Variants in BROX observed in about 807,000 individuals in gnomAD.
BROX encodes BRO1 domain and CAAX motif containing.
BROX carries 53 observed loss-of-function variants against 61.0 expected under a neutral mutation model. That is an observed-to-expected ratio of 0.87 (90% CI 0.70 to 1.09). The LOEUF (loss-of-function observed/expected upper bound fraction) is 1.09. BROX is among the 50% of genes least tolerant of loss of function. BROX has a pLI of 0.00. For missense variants in BROX, 489 were observed against 472.0 expected (o/e 1.04, Z -0.33); for synonymous variants, 152 against 160.2 (o/e 0.95, Z 0.38).
intron 2 of BROX, among the ~76,000 whole-genome samples, chr1:222,716,487 T>C (rs1175790163): frequency 6.6e-6 from 1 of 152,250 alleles, no homozygotes; most frequent in Non-Finnish European, 1.5e-5. Flanking sequence ...GCCTTCAAAG[T>C]GTTCACACAG....
chr1:222,724,513 C>T (rs972643592), intron 6 of BROX, among the ~76,000 whole-genome samples: 6 of 152,180 alleles, frequency 3.9e-5, no homozygotes, highest in African/African-American at 1.4e-4. Flanking sequence ...AGGAGCAGTC[C>T]TGATTCTGCA....
rs533810875 is a variant in BROX at position 222,722,501 on chromosome 1, G to A, written c.388G>A (p.Ala130Thr). 6.2e-7 allele frequency: 1 copy of A among 1,609,584 alleles called. No individual in the cohort carries two copies. The highest frequency in any genetic ancestry group is 1.1e-5 in the South Asian group (1 of 90,918). Reference sequence around the variant, plus strand: ...GTATACCAAATATGCTTCAAGACTGGCTGGAAAAGAAAAGTAAGTTAATAG... The same window carrying A: ...GTATACCAAATATGCTTCAAGACTGACTGGAAAAGAAAAGTAAGTTAATAG... The part of the protein sequence containing the change: ...LWYTKYASRL[A>T]GKENITEDEA... The change falls in exon 5 of 13, where the codon GCT (alanine) becomes ACT (threonine). Residue 130 changes from alanine (A) to threonine (T), a missense_variant. By Grantham distance (58) the Ala-to-Thr change is moderately conservative. Coordinates refer to ENST00000340934, the MANE Select transcript of BROX (RefSeq NM_144695.4).
rs1424972656 is a variant in BROX, at chr1:222,712,568, C to G, written c.-391C>G. Reference sequence around the variant, plus strand: ...GGGTTAGGTTGAGGCCGCCCCACTGCGCCGAGGGCCGCCATCGCTATTGCG... The same window carrying G: ...GGGTTAGGTTGAGGCCGCCCCACTGGGCCGAGGGCCGCCATCGCTATTGCG... On this transcript the variant is annotated 5_prime_UTR_variant, in exon 1 of 13. Coordinates refer to ENST00000340934, the MANE Select transcript of BROX (RefSeq NM_144695.4). The G allele has an allele frequency of 2.2e-6, 3 of 1,375,952 alleles. No individual in the cohort carries two copies. The South Asian group carries it at 4.5e-5, about 21-fold the overall frequency. The allele number at this position is 1,375,952 out of a possible 1,614,324, so 85.2% of individuals were successfully genotyped here. A position where few individuals can be genotyped will look rare whatever the true frequency, so the allele number is the denominator to read the frequency against.
chr1:222,723,294 G>C (rs1171793651), intron 5 of BROX, among the ~76,000 whole-genome samples: 2 of 152,132 alleles, frequency 1.3e-5, no homozygotes, highest in Non-Finnish European at 2.9e-5. Flanking sequence ...ATAAGGCTTT[G>C]TCTGGATTTT....
intron 7 of BROX, among the ~76,000 whole-genome samples, chr1:222,726,709 C>T (rs534679172): frequency 1.7e-4 from 24 of 144,714 alleles, no homozygotes; most frequent in Admixed American, 1.6e-3. Flanking sequence ...AAGAGTAAAA[C>T]TCCATCTCAA....
intron 5 of BROX, among the ~76,000 whole-genome samples, chr1:222,723,176 G>A (rs1385803675): frequency 2.0e-5 from 3 of 152,216 alleles, no homozygotes; most frequent in African/African-American, 7.2e-5. Flanking sequence ...AATAAGAGCA[G>A]AGTAATGATT....
Position 222,730,131 on chromosome 1 carries a change from C to G in BROX, c.943C>G (p.Leu315Val), listed in dbSNP as rs1427392636. The G allele has an allele frequency of 2.5e-6, 4 of 1,612,120 alleles. No homozygotes were observed. Among genetic ancestry groups the G allele is most frequent in the East Asian group, 2.2e-5 (1 of 44,722 alleles). Residue 315 changes from leucine to valine, a missense_variant, in exon 11 of 13, where the codon CTT becomes GTT. Physicochemically the swap from Leu to Val is conservative, Grantham distance 32. Coordinates refer to ENST00000340934, the MANE Select transcript of BROX (RefSeq NM_144695.4). ...TCTGTTCTTTAGGAAACTTGGAAACCTTGTGAAGAACACCCTAGAAAAATG... is the reference window on the plus strand; with the variant it reads ...TCTGTTCTTTAGGAAACTTGGAAACGTTGTGAAGAACACCCTAGAAAAATG... Reference protein sequence around the residue: ...GHLFFRKLGNLVKNTLEKCQR... With the variant: ...GHLFFRKLGNVVKNTLEKCQR...
rs1658200292 is a variant in BROX at position 222,735,129 on chromosome 1, TAAAAGTGTA to T, written c.*2416_*2424del. 6.6e-6 allele frequency: 1 copy of T among 152,238 alleles called. No individual in the cohort carries two copies. Among genetic ancestry groups the T allele is most frequent in the Non-Finnish European group, 1.5e-5 (1 of 68,028 alleles). The allele number at this position is 152,238 out of a possible 1,614,324, so 9.4% of individuals were successfully genotyped here. A position where few individuals can be genotyped will look rare whatever the true frequency, so the allele number is the denominator to read the frequency against. ...GTGACAACTAACATGTTACTTCAAC[TAAAAGTGTA>T]TAATGGGTTGTCTTTTTATTTATGA... is the stretch of plus-strand genomic sequence containing the variant. On this transcript the variant is annotated 3_prime_UTR_variant, in exon 13 of 13. Transcript: ENST00000340934.
chr1:222,721,986 A>G (rs1657130842), intron 4 of BROX, among the ~76,000 whole-genome samples: 1 of 152,024 alleles, frequency 6.6e-6, no homozygotes, highest in South Asian at 2.1e-4. Context: ...AAACCTTCTT[A>G]ATTATTCTAG....
At position 222,732,161 on chromosome 1, in the gene BROX, GAGAT is replaced by G. The variant is rs373629580; in HGVS notation, c.1150-464_1150-461del. Among the ~76,000 whole-genome samples the G allele has an allele frequency of 6.8e-3, 1,034 of 152,148 alleles. 20 individuals carry two copies. Among genetic ancestry groups the G allele is most frequent in the African/African-American group, 0.024 (980 of 41,506 alleles). ...GTTCAGCTATAAAATAATGCCCTAAGAGATAGCCTATTGCTGTCATAAGTTATGT... is the reference window on the plus strand; with the variant it reads ...GTTCAGCTATAAAATAATGCCCTAAGAGCCTATTGCTGTCATAAGTTATGT... On this transcript the variant is annotated intron_variant, in intron 12 of 12. Transcript: ENST00000340934.
At chr1:222,725,860 A>G (rs1657463394) in intron 7 of BROX, among the ~76,000 whole-genome samples, 1 of 152,226 alleles carries the variant, frequency 6.6e-6, no homozygotes, top group African/African-American at 2.4e-5. Flanking sequence ...GTAGTAAGGC[A>G]AGACCGTGCC....
chr1:222,718,581 ATTTG>A (rs992158783), intron 2 of BROX, among the ~76,000 whole-genome samples: 26 of 152,026 alleles, frequency 1.7e-4, no homozygotes, highest in African/African-American at 5.3e-4. Flanking sequence ...AAGTGCATGC[ATTTG>A]TTTGATTGTT....
At position 222,719,050 on chromosome 1, in the gene BROX, C is replaced by CT; in HGVS notation, c.208+21dup. 1 of 1,578,408 alleles carries CT rather than the reference C, an allele frequency of 6.3e-7. No individual in the cohort carries two copies. The highest frequency in any genetic ancestry group is 1.4e-5 in the African/African-American group (1 of 73,014). ...TTACAAGGTTAGTTATTTATATGAA[C>CT]TTGAGGTTTTTTAAAAAACTGTCTA... On this transcript the variant is annotated intron_variant, in intron 3 of 12. Coordinates refer to ENST00000340934, the MANE Select transcript of BROX (RefSeq NM_144695.4).
Position 222,729,620 on chromosome 1 carries a change from G to T in BROX, c.757G>T (p.Ala253Ser). 13 of 1,611,578 alleles carry T rather than the reference G, an allele frequency of 8.1e-6. No homozygotes were observed. The highest frequency in any genetic ancestry group is 1.1e-5 in the Non-Finnish European group (13 of 1,178,180). ...HLKMCFYTAY[A>S]YCYHGETLLA... ...ATAAAAAATTTGTTTATTTCATCAG[G>T]CTTACTGTTACCATGGTGAGACTTT... is the stretch of plus-strand genomic sequence containing the variant. Residue 253 changes from alanine (A) to serine (S), a missense_variant and splice_region_variant, in exon 10 of 13, where the codon GCT becomes TCT. Ala to Ser is a moderately conservative substitution (Grantham distance 99). Coordinates refer to ENST00000340934, the MANE Select transcript of BROX (RefSeq NM_144695.4).
intron 7 of BROX, among the ~76,000 whole-genome samples, chr1:222,726,901 G>A (rs555682531): frequency 5.3e-5 from 8 of 152,176 alleles, no homozygotes; most frequent in East Asian, 1.9e-4. Flanking sequence ...AGAATTTGCT[G>A]TTAGGTCATG....
At chr1:222,725,311 T>C in intron 6 of BROX, 139 bp from the exon 7 acceptor site, 1 of 552,412 alleles carries the variant, frequency 1.8e-6, no homozygotes, top group Middle Eastern at 3.3e-4. Flanking sequence ...TTAGTTTTTA[T>C]AGTTTTTGTT....
At chr1:222,718,550 A>T (rs553621350) in intron 2 of BROX, among the ~76,000 whole-genome samples, 139 of 152,182 alleles carry the variant, frequency 9.1e-4, no homozygotes, top group African/African-American at 3.0e-3. Flanking sequence ...TTAGTTTTTT[A>T]TTCTTCTTTC....
intron 1 of BROX, among the ~76,000 whole-genome samples, chr1:222,714,459 A>C (rs564401837): frequency 6.7e-6 from 1 of 150,142 alleles, no homozygotes; most frequent in African/African-American, 2.4e-5. Context: ...CGGCCTCCCA[A>C]AGTGCTGGGA....
At chr1:222,717,061 A>G (rs1656682060) in intron 2 of BROX, among the ~76,000 whole-genome samples, 1 of 152,222 alleles carries the variant, frequency 6.6e-6, no homozygotes, top group Admixed American at 6.5e-5. Flanking sequence ...AAAAGATAGG[A>G]TAATTGGCTT....
Sources: gnomAD v4.1 joint callset for allele counts (sites outside exome capture counted in the v4.1 genomes callset) on GRCh38, gnomAD v4.1.1 for gene constraint, MANE v1.5 for transcripts, NCBI Gene and HGNC (gene_info 2026-07-23, HGNC 2026-07-21) for gene names.